TYMS: variants seen among roughly 807,000 people sequenced by gnomAD.
The protein encoded by TYMS is thymidylate synthetase, also known as thymidylate synthase.
In TYMS, 21 loss-of-function variants were observed where a neutral mutation model predicts 39.3. That is an observed-to-expected ratio of 0.54 (90% CI 0.38 to 0.77). The LOEUF (loss-of-function observed/expected upper bound fraction) is 0.77, where lower values mean the gene tolerates loss of function less well. Among genes scored for constraint, TYMS ranks in the 30% least tolerant of loss-of-function variants. The probability of loss-of-function intolerance (pLI) is 0.00; values close to 1 mark genes in which losing one functional copy is unlikely to be tolerated. For missense variants in TYMS, 273 were observed against 406.7 expected (o/e 0.67, Z 2.83); for synonymous variants, 171 against 162.2 (o/e 1.05, Z -0.41).
At chr18:668,690 A>G (rs182710136) in intron 3 of TYMS, among the ~76,000 whole-genome samples, 14 of 152,344 alleles carry the variant, frequency 9.2e-5, no homozygotes, top group African/African-American at 3.1e-4. Flanking sequence ...TTTGTCAGTG[A>G]AATTGTGACA....
At chr18:669,277 TC>T (rs2074932043) in intron 4 of TYMS, 104 bp downstream of exon 4, 2 of 853,542 alleles carry the variant, frequency 2.3e-6, no homozygotes, top group Non-Finnish European at 3.6e-6. Flanking sequence ...CCTGGGAACT[TC>T]CCCCAGCCAC....
At chr18:671,023 C>T in intron 5 of TYMS, 156 bp downstream of exon 5, 1 of 932,836 alleles carries the variant, frequency 1.1e-6, no homozygotes, top group South Asian at 1.7e-5. Flanking sequence ...TTGAAACCTT[C>T]CTCTTCTGGA....
At position 670,740 on chromosome 18, in the gene TYMS, A is replaced by C; in HGVS notation, c.605A>C (p.Tyr202Ser). 1 of 1,613,888 alleles carries C rather than the reference A, an allele frequency of 6.2e-7. No homozygotes were observed. Among genetic ancestry groups the C allele is most frequent in the Non-Finnish European group, 8.5e-7 (1 of 1,179,994 alleles). ...LPPCHALCQFYVVNSELSCQL... is the reference protein window; with the variant it reads ...LPPCHALCQFSVVNSELSCQL... ...CCATGCCATGCCCTCTGCCAGTTCTATGTGGTGAACAGTGAGCTGTCCTGC... is the reference window on the plus strand; with the variant it reads ...CCATGCCATGCCCTCTGCCAGTTCTCTGTGGTGAACAGTGAGCTGTCCTGC... Residue 202 changes from tyrosine to serine, a missense_variant, in exon 5 of 7, where the codon TAT (tyrosine) becomes TCT (serine). By Grantham distance (144) the Tyr-to-Ser change is moderately radical (BLOSUM62 -2). Coordinates refer to ENST00000323274, the MANE Select transcript of TYMS (RefSeq NM_001071.4).
chr18:669,276 T>G, intron 4 of TYMS, 103 bp downstream of exon 4: 1 of 870,916 alleles, frequency 1.1e-6, no homozygotes, highest in Non-Finnish European at 1.8e-6. Context: ...CCCTGGGAAC[T>G]TCCCCCAGCC....
rs1388058375 is a variant in TYMS at position 658,309 on chromosome 18, G to A, written c.205+362G>A. ...AGCTGCCTGGGCTTGACCGCGCGCC[G>A]GTCTCAAAGTCCTGGCTTTGGCCCC... On this transcript the variant is annotated intron_variant, in intron 1 of 6. Coordinates refer to ENST00000323274, the MANE Select transcript of TYMS (RefSeq NM_001071.4). The surrounding 1 kb of genome is among the most constrained non-coding windows in gnomAD (Gnocchi z 4.5). The A allele has an allele frequency of 5.8e-6, 8 of 1,383,628 alleles. No individual in the cohort carries two copies. In the African/African-American group the frequency reaches 1.2e-4, roughly 20 times the overall value. 85.7% of individuals were successfully genotyped at this position (1,383,628 alleles called of 1,614,324 possible). A position where few individuals can be genotyped will look rare whatever the true frequency, so the allele number is the denominator to read the frequency against.
In TYMS at chr18:667,053, A is replaced by T. The variant is rs287600; in HGVS notation, c.455-2019A>T. On this transcript the variant is annotated intron_variant, in intron 3 of 6. Coordinates refer to ENST00000323274, the MANE Select transcript of TYMS (RefSeq NM_001071.4). Reference sequence around the variant, plus strand: ...GTGATGGAGATGGTGATGGTGATGGAGATGGAGATGGTGATGGTGATGGAG... The same window carrying T: ...GTGATGGAGATGGTGATGGTGATGGTGATGGAGATGGTGATGGTGATGGAG... 3.5e-3 allele frequency among the ~76,000 whole-genome samples: 89 copies of T among 25,406 alleles called. 7 individuals carry two copies. The highest frequency in any genetic ancestry group is 8.1e-3 in the South Asian group (5 of 618). 16.7% of individuals were successfully genotyped at this position (25,406 alleles called of 152,430 possible). A position where few individuals can be genotyped will look rare whatever the true frequency, so the allele number is the denominator to read the frequency against.
chr18:662,226 C>A lies in TYMS; in HGVS notation c.360C>A (p.Ser120Arg), dbSNP rs773564286. 6.8e-6 allele frequency: 11 copies of A among 1,613,940 alleles called. No individual in the cohort carries two copies. The East Asian group carries it at 2.2e-4, about 33-fold the overall frequency. ...ATGGATCCCGAGACTTTTTGGACAGCCTGGGATTCTCCACCAGAGAAGAAG... is the reference window on the plus strand; with the variant it reads ...ATGGATCCCGAGACTTTTTGGACAGACTGGGATTCTCCACCAGAGAAGAAG... ...DANGSRDFLD[S>R]LGFSTREEGD... is the part of the protein sequence containing the mutation. The change falls in exon 3 of 7, where the codon AGC (serine) becomes AGA (arginine). Residue 120 changes from serine to arginine, a missense_variant. Ser to Arg is a moderately radical substitution (Grantham distance 110). Transcript: ENST00000323274.
chr18:659,529 C>A, intron 1 of TYMS, 112 bp from the exon 2 acceptor site: 2 of 894,224 alleles, frequency 2.2e-6, no homozygotes, highest in Non-Finnish European at 3.7e-6. Context: ...GGAGTCTAGG[C>A]TTTCTGGATG....
Position 658,164 on chromosome 18 carries a change from C to G in TYMS, c.205+217C>G. The stretch of plus-strand genomic sequence containing the variant: ...GGGCAACACACACAGCAGCGACAGC[C>G]GGGAGGTAAGCCGCGTCCCAGCGGC... On this transcript the variant is annotated intron_variant, in intron 1 of 6. Transcript: ENST00000323274. The surrounding 1 kb of genome is among the most constrained non-coding windows in gnomAD (Gnocchi z 4.5). 1.3e-6 allele frequency: 2 copies of G among 1,574,002 alleles called. No individual in the cohort carries two copies. The highest frequency in any genetic ancestry group is 1.2e-5 in the South Asian group (1 of 86,806).
At position 672,925 on chromosome 18, in the gene TYMS, C is replaced by T; in HGVS notation, c.870C>T (p.Asp290=). The change falls in exon 7 of 7, where the codon GAC becomes GAT. Residue 290 remains aspartate, a synonymous_variant. Coordinates refer to ENST00000323274, the MANE Select transcript of TYMS (RefSeq NM_001071.4). ...RILRKVEKID[D]FKAEDFQIEG... ...TTCGAAAAGTTGAGAAAATTGATGA[C>T]TTCAAAGCTGAAGACTTTCAGATTG... 1 of 1,598,652 alleles carries T rather than the reference C, an allele frequency of 6.3e-7. No individual in the cohort carries two copies. Among genetic ancestry groups the T allele is most frequent in the Non-Finnish European group, 8.6e-7 (1 of 1,167,972 alleles).
At position 671,471 on chromosome 18, in the gene TYMS, C is replaced by G; in HGVS notation, c.804+20C>G. ...ATTCAGGTAAGAATTAGATGTTATA[C>G]TTTTGGGTTTGGTACCTTCTCTTGA... is the stretch of plus-strand genomic sequence containing the variant. On this transcript the variant is annotated intron_variant, in intron 6 of 6. Transcript: ENST00000323274. 1 of 1,563,728 alleles carries G rather than the reference C, an allele frequency of 6.4e-7. No individual in the cohort carries two copies. The highest frequency in any genetic ancestry group is 1.4e-5 in the African/African-American group (1 of 73,896).
At chr18:667,571 A>T (rs2847611) in intron 3 of TYMS, 841 of 27,530 alleles carry the variant, frequency 0.031, 35 homozygotes, top group Middle Eastern at 0.065. Flanking sequence ...ATGGTGATGG[A>T]GATGGTGATG....
chr18:670,642 T>G, intron 4 of TYMS, 50 bp from the exon 5 acceptor site: 1 of 1,598,030 alleles, frequency 6.3e-7, no homozygotes, highest in Non-Finnish European at 8.6e-7. Context: ...CCTTTAGCTG[T>G]GGTCTTTCAA....
intron 3 of TYMS, 38 bp downstream of exon 3, chr18:662,358 C>G: frequency 6.4e-7 from 1 of 1,554,432 alleles, no homozygotes; most frequent in South Asian, 1.2e-5. Flanking sequence ...TTCCCGGGTG[C>G]CCTTCCTAGC....
In TYMS at chr18:658,379, A is replaced by C. The variant is rs1029962702; in HGVS notation, c.205+432A>C. On this transcript the variant is annotated intron_variant, in intron 1 of 6. Transcript: ENST00000323274. The surrounding 1 kb of genome is among the most constrained non-coding windows in gnomAD (Gnocchi z 4.5). ...GACCATTCCGCTTCGCAGCGTTTTCAAAAACTGGAGCGAAAGTGATGTGGG... is the reference window on the plus strand; with the variant it reads ...GACCATTCCGCTTCGCAGCGTTTTCCAAAACTGGAGCGAAAGTGATGTGGG... The C allele has an allele frequency of 1.6e-6, 2 of 1,269,716 alleles. No individual in the cohort carries two copies. Among genetic ancestry groups the C allele is most frequent in the Non-Finnish European group, 2.0e-6 (2 of 976,602 alleles). The allele number at this position is 1,269,716 out of a possible 1,614,324, so 78.7% of individuals were successfully genotyped here.
intron 6 of TYMS, 30 bp from the exon 7 acceptor site, chr18:672,830 G>T (rs753909685): frequency 6.5e-7 from 1 of 1,541,168 alleles, no homozygotes; most frequent in South Asian, 1.2e-5. Flanking sequence ...GTACAATTAT[G>T]GCAAAATAAT....
At chr18:669,582 G>A in intron 4 of TYMS, 1 of 170,560 alleles carries the variant, frequency 5.9e-6, no homozygotes, top group South Asian at 1.5e-4. Flanking sequence ...ATGTTGGTCA[G>A]GCTGGTCTTG....
At chr18:669,285 C>A in intron 4 of TYMS, 112 bp downstream of exon 4, 1 of 793,060 alleles carries the variant, frequency 1.3e-6, no homozygotes, top group Non-Finnish European at 2.0e-6. Flanking sequence ...CTTCCCCCAG[C>A]CACATGGTTG....
At chr18:666,384 T>G (rs910878906) in intron 3 of TYMS, among the ~76,000 whole-genome samples, 1 of 152,092 alleles carries the variant, frequency 6.6e-6, no homozygotes, top group African/African-American at 2.4e-5. Flanking sequence ...AGGGTCACAC[T>G]CCACTCCCAG....
Sources: allele counts gnomAD v4.1 joint callset (sites outside exome capture counted in the v4.1 genomes callset), GRCh38; gene constraint gnomAD v4.1.1; non-coding constraint Gnocchi (gnomAD v3.1); transcripts MANE v1.5; gene names NCBI Gene and HGNC (gene_info 2026-07-23, HGNC 2026-07-21).